Variants in SEC22A observed in about 807,000 individuals in gnomAD.
The protein encoded by SEC22A is vesicle-trafficking protein SEC22a.
Under a neutral mutation model 35.3 loss-of-function variants are expected in SEC22A, and 22 were observed. The observed-to-expected ratio is 0.62, with a 90% confidence interval of 0.45 to 0.89. SEC22A has a LOEUF of 0.89. Ranked by LOEUF, SEC22A falls within the 40% of genes least tolerant of loss-of-function variation. The pLI, the probability that SEC22A is intolerant of heterozygous loss-of-function variation, is 0.00. For synonymous variants in SEC22A, 119 were observed against 129.5 expected (o/e 0.92, Z 0.55); for missense variants, 354 against 362.5 (o/e 0.98, Z 0.19).
chr3:123,258,428 G>A (rs191644424), intron 5 of SEC22A, among the ~76,000 whole-genome samples: 338 of 152,068 alleles, frequency 2.2e-3, no homozygotes, highest in African/African-American at 7.0e-3. Flanking sequence ...AAAAGTAAAG[G>A]ACTAAAGAAA....
At chr3:123,219,416 A>T (rs139439818) in intron 2 of SEC22A, among the ~76,000 whole-genome samples, 66 of 152,332 alleles carry the variant, frequency 4.3e-4, no homozygotes, top group Non-Finnish European at 8.4e-4. Context: ...ATAATTGGTT[A>T]ATCTATACTA....
At chr3:123,217,647 A>G (rs1055069037) in intron 2 of SEC22A, among the ~76,000 whole-genome samples, 8 of 152,258 alleles carry the variant, frequency 5.3e-5, no homozygotes, top group African/African-American at 1.9e-4. Context: ...GTTTCTATGT[A>G]TAGTGGCACA....
chr3:123,234,849 C>G (rs995622754), intron 4 of SEC22A, among the ~76,000 whole-genome samples: 1 of 151,894 alleles, frequency 6.6e-6, no homozygotes, highest in Admixed American at 6.6e-5. Context: ...ATGGCGAAAC[C>G]TCATCTCTAC....
In SEC22A at chr3:123,223,667, T is replaced by G; in HGVS notation, c.291T>G (p.Thr97=). 1.9e-6 allele frequency: 3 copies of G among 1,613,548 alleles called. No individual in the cohort carries two copies. The highest frequency in any genetic ancestry group is 2.5e-6 in the Non-Finnish European group (3 of 1,179,550). The change falls in exon 3 of 7, where the codon ACT becomes ACG. Residue 97 remains threonine (T), a synonymous_variant. Transcript: ENST00000492595. ...AGCTTCAGAAGGAGTTCATTACTAC[T>G]TATAACATGATGAAGACAAATACTG... ...LDELQKEFIT[T]YNMMKTNTAV...
intron 1 of SEC22A, among the ~76,000 whole-genome samples, chr3:123,206,956 C>T (rs974092091): frequency 6.6e-6 from 1 of 152,092 alleles, no homozygotes; most frequent in African/African-American, 2.4e-5. Flanking sequence ...GGTGTTGTGG[C>T]GCATGCCTGT....
chr3:123,213,583 A>G (rs561931146), intron 2 of SEC22A, among the ~76,000 whole-genome samples: 33 of 152,100 alleles, frequency 2.2e-4, no homozygotes, highest in African/African-American at 7.7e-4. Context: ...TGCCTTTTTC[A>G]TCACTTATTA....
At chr3:123,239,230 A>G (rs1360724661) in intron 4 of SEC22A, among the ~76,000 whole-genome samples, 1 of 152,212 alleles carries the variant, frequency 6.6e-6, no homozygotes, top group Non-Finnish European at 1.5e-5. Context: ...AGGATGTACC[A>G]ATGTGGGTCA....
chr3:123,254,361 A>G (rs889581811), intron 5 of SEC22A, among the ~76,000 whole-genome samples: 48 of 152,156 alleles, frequency 3.2e-4, no homozygotes, highest in African/African-American at 8.4e-4. Flanking sequence ...ATTTGTTTTC[A>G]GAGCAATACA....
chr3:123,220,208 A>C (rs1937095167), intron 2 of SEC22A, among the ~76,000 whole-genome samples: 1 of 152,110 alleles, frequency 6.6e-6, no homozygotes, highest in South Asian at 2.1e-4. Flanking sequence ...ATACAGTAAG[A>C]CTCTGACATA....
intron 1 of SEC22A, among the ~76,000 whole-genome samples, chr3:123,207,928 A>T (rs1258919913): frequency 6.6e-6 from 1 of 152,164 alleles, no homozygotes; most frequent in Non-Finnish European, 1.5e-5. Flanking sequence ...ATTTTAAATA[A>T]TTTTTTTCTG....
intron 1 of SEC22A, among the ~76,000 whole-genome samples, chr3:123,207,346 A>AT (rs1936869487): frequency 6.6e-6 from 1 of 151,872 alleles, no homozygotes; most frequent in Non-Finnish European, 1.5e-5. Flanking sequence ...TATATTACTC[A>AT]TTTTTTCCTT....
At chr3:123,202,478 T>C (rs1173052038) in intron 1 of SEC22A, among the ~76,000 whole-genome samples, 2 of 152,090 alleles carry the variant, frequency 1.3e-5, no homozygotes, top group East Asian at 3.9e-4. Flanking sequence ...TTTGTGGGGA[T>C]GGAGTGAGCC....
At chr3:123,244,416 TTAAATG>T (rs558774513) in intron 4 of SEC22A, among the ~76,000 whole-genome samples, 28 of 152,236 alleles carry the variant, frequency 1.8e-4, no homozygotes, top group Non-Finnish European at 3.7e-4. Flanking sequence ...TTTTATGCCT[TTAAATG>T]TATAGACGAA....
intron 2 of SEC22A, among the ~76,000 whole-genome samples, chr3:123,220,420 A>G (rs898604199): frequency 2.6e-5 from 4 of 152,158 alleles, no homozygotes; most frequent in African/African-American, 9.7e-5. Flanking sequence ...TTTTTTGGAA[A>G]GAAAATCATT....
At chr3:123,269,179 A>ATG (rs200267944) in intron 6 of SEC22A, among the ~76,000 whole-genome samples, 7,820 of 120,628 alleles carry the variant, frequency 0.065, 541 homozygotes, top group East Asian at 0.22. Context: ...AATTAAATAT[A>ATG]TGTGTGTGTG....
At chr3:123,245,852 T>A in intron 4 of SEC22A, 47 bp from the exon 5 acceptor site, 1 of 1,036,224 alleles carries the variant, frequency 9.7e-7, no homozygotes, top group Non-Finnish European at 1.5e-6. Context: ...AAGTTCATCT[T>A]TGTGAGGTAT....
At chr3:123,216,618 A>G (rs1239472237) in intron 2 of SEC22A, among the ~76,000 whole-genome samples, 2 of 152,212 alleles carry the variant, frequency 1.3e-5, no homozygotes, top group South Asian at 2.1e-4. Context: ...TTGGCCATGT[A>G]AGAAAGGAGT....
chr3:123,246,033 A>T lies in SEC22A; in HGVS notation c.657+19A>T, dbSNP rs898166978. ...CCTGCAGGTACTGTGCTATTTTTGCAATTTCAGGTGACTGTGCCTCTTCAT... is the reference window on the plus strand; with the variant it reads ...CCTGCAGGTACTGTGCTATTTTTGCTATTTCAGGTGACTGTGCCTCTTCAT... On this transcript the variant is annotated intron_variant, in intron 5 of 6. Transcript: ENST00000492595. The T allele has an allele frequency of 1.0e-5, 13 of 1,289,244 alleles. No individual in the cohort carries two copies. The highest frequency in any genetic ancestry group is 1.4e-5 in the Non-Finnish European group (12 of 887,620). 79.9% of individuals were successfully genotyped at this position (1,289,244 alleles called of 1,614,324 possible). A position where few individuals can be genotyped will look rare whatever the true frequency, so the allele number is the denominator to read the frequency against.
At chr3:123,213,411 C>T (rs1936972780) in intron 2 of SEC22A, among the ~76,000 whole-genome samples, 1 of 152,216 alleles carries the variant, frequency 6.6e-6, no homozygotes, top group Non-Finnish European at 1.5e-5. Context: ...CATCATAGCA[C>T]AGCCTGAAAT....
Sources: allele counts gnomAD v4.1 joint callset (sites outside exome capture counted in the v4.1 genomes callset), GRCh38; gene constraint gnomAD v4.1.1; transcripts MANE v1.5; gene names NCBI Gene and HGNC (gene_info 2026-07-23, HGNC 2026-07-21).